The following PRKACB variants were observed in gnomAD, a reference collection of about 807,000 sequenced individuals.
PRKACB encodes the protein cAMP-dependent protein kinase catalytic subunit beta.
In PRKACB, 16 loss-of-function variants were observed where a neutral mutation model predicts 51.4. That is an observed-to-expected ratio of 0.31 (90% CI 0.21 to 0.47). The LOEUF (loss-of-function observed/expected upper bound fraction) is 0.47, where lower values mean the gene tolerates loss of function less well. Among genes scored for constraint, PRKACB ranks in the 20% least tolerant of loss-of-function variants. PRKACB has a pLI of 1.00. For missense variants in PRKACB, 309 were observed against 464.5 expected, an observed-to-expected ratio of 0.67 and a Z score of 3.08; for synonymous variants, 147 against 154.4, an observed-to-expected ratio of 0.95 and a Z score of 0.35.
intron 1 of PRKACB, among the ~76,000 whole-genome samples, chr1:84,150,797 G>T (rs1558029039): frequency 1.3e-5 from 2 of 152,006 alleles, no homozygotes; most frequent in East Asian, 3.9e-4. Flanking sequence ...AAATTATTCT[G>T]CCTTAGGTAT....
At chr1:84,078,148 G>A in exon 1 of PRKACB, 4 of 606,292 alleles carry the variant, frequency 6.6e-6, no homozygotes, top group East Asian at 3.3e-5. Flanking sequence ...TAAGGAGTTC[G>A]CTGGAGCCCT....
At chr1:84,135,879 C>A (rs1652753974) in intron 1 of PRKACB, among the ~76,000 whole-genome samples, 1 of 149,984 alleles carries the variant, frequency 6.7e-6, no homozygotes. Context: ...CAATTTAAGC[C>A]CAATGCAAGC....
chr1:84,085,936 G>A, intron 1 of PRKACB: 1 of 687,632 alleles, frequency 1.5e-6, no homozygotes. Flanking sequence ...TAATATCCAG[G>A]ATGGACCTGA....
intron 3 of PRKACB, 133 bp from the exon 4 acceptor site, chr1:84,183,903 TG>T: frequency 1.1e-6 from 1 of 947,296 alleles, no homozygotes. Flanking sequence ...AGTTGGTAAT[TG>T]TTATTATCTT....
At chr1:84,223,393 G>A (rs114637379) in intron 9 of PRKACB, among the ~76,000 whole-genome samples, 1,549 of 134,700 alleles carry the variant, frequency 0.011, 36 homozygotes, top group African/African-American at 0.04. Flanking sequence ...TTTTGAAATG[G>A]TGTCTCGCTC....
At chr1:84,210,939 C>T (rs1381085194) in intron 8 of PRKACB, among the ~76,000 whole-genome samples, 5 of 152,024 alleles carry the variant, frequency 3.3e-5, no homozygotes, top group Admixed American at 6.6e-5. Context: ...CATTATTTCT[C>T]CCCCAAAATA....
chr1:84,157,651 ATATGT>A (rs1461554905), intron 1 of PRKACB, among the ~76,000 whole-genome samples: 2 of 152,144 alleles, frequency 1.3e-5, no homozygotes, highest in African/African-American at 4.8e-5. Context: ...GAATTATATA[ATATGT>A]TATCTTTTAC....
At chr1:84,107,838 G>A (rs1649906031) in intron 1 of PRKACB, among the ~76,000 whole-genome samples, 1 of 151,974 alleles carries the variant, frequency 6.6e-6, no homozygotes, top group East Asian at 1.9e-4. Context: ...AAAATAACAT[G>A]CTGACAAGCT....
At chr1:84,224,752 C>T (rs1421353065) in intron 9 of PRKACB, among the ~76,000 whole-genome samples, 1 of 152,186 alleles carries the variant, frequency 6.6e-6, no homozygotes, top group Non-Finnish European at 1.5e-5. Context: ...TGGTTTGGGT[C>T]TGTTGTTAGA....
chr1:84,201,990 C>A (rs564817678), intron 7 of PRKACB, among the ~76,000 whole-genome samples: 43 of 152,098 alleles, frequency 2.8e-4, no homozygotes, highest in South Asian at 4.2e-4. Context: ...ACACGTTACT[C>A]CCTTTCATTT....
intron 8 of PRKACB, among the ~76,000 whole-genome samples, chr1:84,212,992 C>T (rs1198235168): frequency 1.3e-5 from 2 of 152,018 alleles, no homozygotes; most frequent in African/African-American, 4.8e-5. Context: ...TAATGATGCA[C>T]TATGTAAGTT....
chr1:84,184,007 C>T, intron 3 of PRKACB, 30 bp from the exon 4 acceptor site: 2 of 1,540,008 alleles, frequency 1.3e-6, no homozygotes, highest in South Asian at 1.3e-5. Flanking sequence ...TGCTTAAATA[C>T]ATTAAGAGAT....
In PRKACB at chr1:84,174,294, AC is replaced by A. The variant is rs1660510832; in HGVS notation, c.188-4882del. On this transcript the variant is annotated intron_variant, in intron 1 of 9. Transcript: ENST00000370685. ...TCAGCCTAGGAGGTCTTTTTCCCCA[AC>A]TTTATCTGCCAGAGGAATTCTTATC... is the stretch of plus-strand genomic sequence containing the variant. 3.3e-5 allele frequency among the ~76,000 whole-genome samples: 5 copies of A among 151,780 alleles called. No homozygotes were observed. In the East Asian group the frequency reaches 9.8e-4, roughly 30 times the overall value.
At chr1:84,166,173 A>G (rs780754933) in intron 1 of PRKACB, among the ~76,000 whole-genome samples, 9 of 151,700 alleles carry the variant, frequency 5.9e-5, no homozygotes, top group Admixed American at 1.3e-4. Flanking sequence ...CTGGATTGTT[A>G]TTTTCCTGTT....
chr1:84,132,698 G>C (rs542154084), intron 1 of PRKACB, among the ~76,000 whole-genome samples: 27 of 152,210 alleles, frequency 1.8e-4, no homozygotes, highest in South Asian at 1.5e-3. Flanking sequence ...AGATCAAAAG[G>C]AAATGCTAGG....
intron 1 of PRKACB, among the ~76,000 whole-genome samples, chr1:84,145,071 TATAAC>T (rs765975426): frequency 6.6e-5 from 10 of 152,196 alleles, no homozygotes; most frequent in Non-Finnish European, 1.5e-4. Context: ...TTCTTACACT[TATAAC>T]ATTATGGATA....
intron 9 of PRKACB, among the ~76,000 whole-genome samples, chr1:84,229,164 G>C (rs1452154854): frequency 6.8e-6 from 1 of 146,818 alleles, no homozygotes; most frequent in Admixed American, 6.8e-5. Flanking sequence ...TCCCACCTAT[G>C]AGTGAGAATA....
chr1:84,198,486 A>G (rs561075208), intron 7 of PRKACB, among the ~76,000 whole-genome samples: 3 of 152,234 alleles, frequency 2.0e-5, no homozygotes, highest in South Asian at 2.1e-4. Context: ...CTGGTTCCCA[A>G]ATGGAATCAT....
At chr1:84,197,564 T>G (rs891929507) in intron 6 of PRKACB, among the ~76,000 whole-genome samples, 165 bp from the exon 7 acceptor site, 14 of 152,262 alleles carry the variant, frequency 9.2e-5, no homozygotes, top group African/African-American at 3.4e-4. Flanking sequence ...TGTTTAAACT[T>G]TCATTCACTA....
Sources: gnomAD v4.1 joint callset for allele counts (sites outside exome capture counted in the v4.1 genomes callset) on GRCh38, gnomAD v4.1.1 for gene constraint, MANE v1.5 for transcripts, NCBI Gene and HGNC (gene_info 2026-07-23, HGNC 2026-07-21) for gene names.